HDAC9: variants seen among roughly 807,000 people sequenced by gnomAD.
The protein encoded by HDAC9 is MEF-2 interacting transcription repressor (MITR) protein.
Under a neutral mutation model 139.4 loss-of-function variants are expected in HDAC9, and 41 were observed. The ratio of observed to expected loss-of-function variants is 0.29; its 90% CI spans 0.23 to 0.38. HDAC9 has a LOEUF of 0.38. Among genes scored for constraint, HDAC9 ranks in the 10% least tolerant of loss-of-function variants. The pLI is 1.00. For synonymous variants in HDAC9, 517 were observed against 476.2 expected, an observed-to-expected ratio of 1.09 and a Z score of -1.12; for missense variants, 1,147 against 1,297.0, an observed-to-expected ratio of 0.88 and a Z score of 1.78.
chr7:18,962,557 C>A (rs1783596622), intron 24 of HDAC9, among the ~76,000 whole-genome samples: 1 of 151,980 alleles, frequency 6.6e-6, no homozygotes, highest in Admixed American at 6.6e-5. Flanking sequence ...TTCACTCACA[C>A]ATCTACCAAG....
chr7:18,314,491 G>A (rs1356745829), intron 1 of HDAC9, among the ~76,000 whole-genome samples: 3 of 152,198 alleles, frequency 2.0e-5, no homozygotes, highest in Non-Finnish European at 4.4e-5. Flanking sequence ...CAGTAAATTG[G>A]AGTGAGGTTT....
chr7:18,467,684 A>T (rs1223474383), intron 1 of HDAC9, among the ~76,000 whole-genome samples: 2 of 152,306 alleles, frequency 1.3e-5, no homozygotes, highest in Non-Finnish European at 2.9e-5. Flanking sequence ...TTTTTGCCTT[A>T]TGTGTTGTTA....
upstream of HDAC9, chr7:18,495,597 G>C (rs541415406): frequency 1.3e-5 from 3 of 223,138 alleles, no homozygotes; most frequent in South Asian, 4.8e-4. Flanking sequence ...ATTAATGCAG[G>C]CTCCAATCAC....
At chr7:18,400,896 T>C (rs886165357) in intron 1 of HDAC9, among the ~76,000 whole-genome samples, 2 of 152,166 alleles carry the variant, frequency 1.3e-5, no homozygotes, top group Non-Finnish European at 2.9e-5. Context: ...TTTTCTTTAA[T>C]GGATTGAGGC....
At chr7:18,448,244 A>T (rs1792478064) in intron 1 of HDAC9, among the ~76,000 whole-genome samples, 1 of 152,238 alleles carries the variant, frequency 6.6e-6, no homozygotes, top group Non-Finnish European at 1.5e-5. Context: ...TGGGAAACAC[A>T]TTAAATTTAT....
At chr7:18,324,950 AG>A (rs1800321548) in intron 1 of HDAC9, among the ~76,000 whole-genome samples, 1 of 152,148 alleles carries the variant, frequency 6.6e-6, no homozygotes, top group Non-Finnish European at 1.5e-5. Context: ...AAGGTATGAA[AG>A]TTCTTAAAGT....
At chr7:18,754,943 C>T (rs1788751237) in intron 14 of HDAC9, among the ~76,000 whole-genome samples, 1 of 152,132 alleles carries the variant, frequency 6.6e-6, no homozygotes, top group Non-Finnish European at 1.5e-5. Context: ...GCGCTGAAAA[C>T]TGCAAGTTAA....
chr7:18,702,771 C>CA (rs1335834065), intron 12 of HDAC9, among the ~76,000 whole-genome samples: 1 of 152,166 alleles, frequency 6.6e-6, no homozygotes, highest in African/African-American at 2.4e-5. Flanking sequence ...TGGCCTTTAC[C>CA]AAAAATCTCT....
At chr7:18,145,255 G>T (rs149591973) in intron 1 of HDAC9, among the ~76,000 whole-genome samples, 224 of 152,264 alleles carry the variant, frequency 1.5e-3, no homozygotes, top group African/African-American at 5.0e-3. Flanking sequence ...CTTGTAGTCT[G>T]GTATAGTCTG....
chr7:18,918,388 G>T (rs1035819521), intron 22 of HDAC9, among the ~76,000 whole-genome samples: 4 of 152,002 alleles, frequency 2.6e-5, no homozygotes, highest in Non-Finnish European at 5.9e-5. Flanking sequence ...ACTAGGCCAG[G>T]TGAGAAGAGT....
At chr7:18,148,865 C>T (rs1786542212) in intron 1 of HDAC9, among the ~76,000 whole-genome samples, 1 of 152,130 alleles carries the variant, frequency 6.6e-6, no homozygotes, top group African/African-American at 2.4e-5. Context: ...TAAATTCTAC[C>T]TGCAACCTTA....
intron 2 of HDAC9, among the ~76,000 whole-genome samples, chr7:18,577,510 A>T (rs981713596): frequency 1.3e-5 from 2 of 152,056 alleles, no homozygotes. Flanking sequence ...ATTATTTTTC[A>T]GTTGGATGCC....
Position 18,458,897 on chromosome 7 carries a change from C to G in HDAC9, c.-41-37365C>G, listed in dbSNP as rs935043218. The stretch of plus-strand genomic sequence containing the variant: ...TATTCTGTGGCTGCTGTAGGATCTT[C>G]CCAGGTAGAACCAGACCTTATCCTT... On this transcript the variant is annotated intron_variant, in intron 1 of 3. Coordinates refer to the HDAC9 transcript ENST00000413509. 4.6e-6 allele frequency: 7 copies of G among 1,532,410 alleles called. No individual in the cohort carries two copies. The African/African-American group carries it at 9.6e-5, about 21-fold the overall frequency. 94.9% of individuals were successfully genotyped at this position (1,532,410 alleles called of 1,614,324 possible). A position where few individuals can be genotyped will look rare whatever the true frequency, so the allele number is the denominator to read the frequency against.
chr7:18,274,669 G>A (rs777702371), intron 2 of HDAC9, among the ~76,000 whole-genome samples: 1 of 152,158 alleles, frequency 6.6e-6, no homozygotes, highest in South Asian at 2.1e-4. Context: ...TTATGCAATG[G>A]AATATTATGT....
intron 1 of HDAC9, among the ~76,000 whole-genome samples, chr7:18,310,320 C>G (rs1295600528): frequency 6.6e-6 from 1 of 152,086 alleles, no homozygotes; most frequent in African/African-American, 2.4e-5. Context: ...ATAGATATTT[C>G]TTTGGAGGAC....
At chr7:18,115,230 T>G (rs1783897876) in intron 1 of HDAC9, among the ~76,000 whole-genome samples, 1 of 151,714 alleles carries the variant, frequency 6.6e-6, no homozygotes, top group Non-Finnish European at 1.5e-5. Context: ...GAGGCAGAGC[T>G]TGCAGTGAGC....
chr7:18,204,477 C>A (rs1035889732), intron 2 of HDAC9, among the ~76,000 whole-genome samples: 1 of 151,554 alleles, frequency 6.6e-6, no homozygotes, highest in Non-Finnish European at 1.5e-5. Flanking sequence ...AAATTGCTTT[C>A]TAATATAAAT....
intron 2 of HDAC9, among the ~76,000 whole-genome samples, chr7:18,172,801 C>G (rs894035589): frequency 6.6e-6 from 1 of 152,202 alleles, no homozygotes; most frequent in African/African-American, 2.4e-5. Flanking sequence ...TTTGATTGCA[C>G]TGTGGTCTGA....
At chr7:18,243,025 G>T (rs1209739069) in intron 2 of HDAC9, among the ~76,000 whole-genome samples, 1 of 112,892 alleles carries the variant, frequency 8.9e-6, no homozygotes, top group African/African-American at 3.5e-5. Flanking sequence ...GATGTGGAAG[G>T]TTACTTATCA....
Sources: allele counts gnomAD v4.1 joint callset (sites outside exome capture counted in the v4.1 genomes callset), GRCh38; gene constraint gnomAD v4.1.1; transcripts MANE v1.5; gene names NCBI Gene and HGNC (gene_info 2026-07-23, HGNC 2026-07-21).